The following SYNE1 variants were observed in gnomAD, a reference collection of about 807,000 sequenced individuals.
SYNE1 encodes the protein nesprin-1.
A neutral mutation model predicts 1,111.0 loss-of-function variants in SYNE1; 616 were observed. That is an observed-to-expected ratio of 0.55 (90% CI 0.52 to 0.59). The LOEUF (loss-of-function observed/expected upper bound fraction) is 0.59, where lower values mean the gene tolerates loss of function less well. SYNE1 is among the 20% of genes least tolerant of loss of function. The probability of loss-of-function intolerance (pLI) is 0.00; values close to 1 mark genes in which losing one functional copy is unlikely to be tolerated. For missense variants in SYNE1, 10,006 were observed against 10,417.0 expected, an observed-to-expected ratio of 0.96 and a Z score of 1.72; for synonymous variants, 3,855 against 3,825.8, an observed-to-expected ratio of 1.01 and a Z score of -0.28.
chr6:152,151,079 G>A (rs574936451), intron 135 of SYNE1, among the ~76,000 whole-genome samples: 141 of 152,078 alleles, frequency 9.3e-4, no homozygotes, highest in African/African-American at 3.1e-3. Flanking sequence ...AAAATTTGCC[G>A]GACTTGGTGG....
chr6:152,282,759 C>A (rs1053170497), intron 96 of SYNE1, among the ~76,000 whole-genome samples: 6 of 151,874 alleles, frequency 4.0e-5, no homozygotes, highest in Non-Finnish European at 8.8e-5. Context: ...GCAGACACAT[C>A]GGCTTTAAAT....
chr6:152,249,534 T>A (rs990234955), intron 104 of SYNE1, among the ~76,000 whole-genome samples: 1 of 152,178 alleles, frequency 6.6e-6, no homozygotes, highest in Non-Finnish European at 1.5e-5. Context: ...GTCACCCTAA[T>A]CTCATTACAT....
intron 125 of SYNE1, among the ~76,000 whole-genome samples, chr6:152,207,544 C>T (rs1258422212): frequency 6.6e-6 from 1 of 152,162 alleles, no homozygotes; most frequent in East Asian, 1.9e-4. Context: ...CTCTAAGATG[C>T]TAGAAGCCTG....
chr6:152,227,946 T>C (rs2081973245), intron 115 of SYNE1, among the ~76,000 whole-genome samples: 1 of 152,180 alleles, frequency 6.6e-6, no homozygotes, highest in Non-Finnish European at 1.5e-5. Flanking sequence ...ACCTACCATT[T>C]TTAAAAACAA....
intron 58 of SYNE1, among the ~76,000 whole-genome samples, chr6:152,373,631 T>C (rs531319546): frequency 2.2e-4 from 34 of 152,092 alleles, no homozygotes; most frequent in Non-Finnish European, 4.6e-4. Flanking sequence ...CTTTTTACTG[T>C]ATACGTTAAA....
At chr6:152,321,048 T>G (rs566255406) in intron 84 of SYNE1, among the ~76,000 whole-genome samples, 190 bp downstream of exon 84, 240 of 152,360 alleles carry the variant, frequency 1.6e-3, no homozygotes, top group African/African-American at 4.6e-3. Context: ...TTGTATGGCA[T>G]TATTGGTCAT....
intron 94 of SYNE1, 43 bp from the exon 95 acceptor site, chr6:152,293,792 T>C (rs2094726151): frequency 6.2e-7 from 1 of 1,613,630 alleles, no homozygotes; most frequent in Non-Finnish European, 8.5e-7. Flanking sequence ...CCCAGCCCCT[T>C]ATCTTTCAGA....
chr6:152,145,561 A>T (rs1466598429), intron 137 of SYNE1: 4 of 1,613,632 alleles, frequency 2.5e-6, no homozygotes, highest in Non-Finnish European at 3.4e-6. Context: ...TACATCTGCA[A>T]AAAAAGCACA....
At chr6:152,373,263 T>A (rs1337645380) in intron 58 of SYNE1, 44 bp from the exon 59 acceptor site, 2 of 1,543,076 alleles carry the variant, frequency 1.3e-6, no homozygotes, top group East Asian at 4.5e-5. Context: ...AAATATTGTG[T>A]GTTGTTTCTA....
At chr6:152,162,691 A>G (rs1353805167) in intron 131 of SYNE1, among the ~76,000 whole-genome samples, 1 of 152,202 alleles carries the variant, frequency 6.6e-6, no homozygotes, top group Non-Finnish European at 1.5e-5. Flanking sequence ...TTTTTAAAGC[A>G]ATGGAATATA....
chr6:152,430,561 C>T lies in SYNE1; in HGVS notation c.4610G>A (p.Arg1537Gln), dbSNP rs369775705. Residue 1537 changes from arginine (R) to glutamine (Q), a missense_variant, in exon 35 of 146, where the codon CGA (arginine) becomes CAA (glutamine). By Grantham distance (43) the Arg-to-Gln change is conservative (BLOSUM62 1). Coordinates refer to ENST00000367255, the MANE Select transcript of SYNE1 (RefSeq NM_182961.4). The part of the protein sequence containing the change: ...TQIRRYGEEL[R>Q]EHAQCLEGTI... ...TCCTTCCAGACACTGTGCATGCTCT[C>T]GAAGCTCTTCCCCGTATCTTCTTAT... 1,519 of 1,614,078 alleles carry T rather than the reference C, an allele frequency of 9.4e-4. 23 individuals are homozygous for T. In the South Asian group the frequency reaches 0.016, roughly 17 times the overall value.
At position 152,598,858 on chromosome 6, in the gene SYNE1, A is replaced by G. The variant is rs149605377; in HGVS notation, c.67+29407T>C. Among the ~76,000 whole-genome samples, 126 of 152,300 alleles carry G rather than the reference A, an allele frequency of 8.3e-4. No individual in the cohort carries two copies. In the Middle Eastern group the frequency reaches 0.014, roughly 16 times the overall value. ...ATTTTATGATATAATTAACAGTGTT[A>G]TTTTTCATCTAGCTGTGCTTCCATG... is the stretch of plus-strand genomic sequence containing the variant. On this transcript the variant is annotated intron_variant, in intron 3 of 145. Coordinates refer to ENST00000367255, the MANE Select transcript of SYNE1 (RefSeq NM_182961.4).
In SYNE1 at chr6:152,206,211, A is replaced by G; in HGVS notation, c.22976T>C (p.Met7659Thr). ...EIQEKWKSAS[M>T]RLEEQKKKLA... ...TTTTTTCTTCTGTTCTTCCAGCCGC[A>G]TGCTGGCTGATTTCCATTTCTCTTG... Residue 7659 changes from methionine (M) to threonine (T), a missense_variant, in exon 126 of 146, where the codon ATG becomes ACG. Around this residue, in one of 7 missense-constraint regions of SYNE1, gnomAD observed 2,182 missense variants for 2,287.8 expected, o/e 0.95. Transcript: ENST00000367255. 1 of 1,613,846 alleles carries G rather than the reference A, an allele frequency of 6.2e-7. No homozygotes were observed. Among genetic ancestry groups the G allele is most frequent in the Non-Finnish European group, 8.5e-7 (1 of 1,180,026 alleles).
At chr6:152,217,875 G>A (rs1179611172) in intron 121 of SYNE1, among the ~76,000 whole-genome samples, 2 of 152,082 alleles carry the variant, frequency 1.3e-5, no homozygotes, top group African/African-American at 4.8e-5. Context: ...CTCACTGGGG[G>A]CTCACTCGAA....
chr6:152,362,932 G>A (rs535666642), intron 63 of SYNE1, among the ~76,000 whole-genome samples: 1 of 151,442 alleles, frequency 6.6e-6, no homozygotes. Context: ...CCAGGCTGGA[G>A]TGCAGTGGCG....
chr6:152,539,482 T>C (rs948800582), intron 4 of SYNE1, among the ~76,000 whole-genome samples: 5 of 152,180 alleles, frequency 3.3e-5, no homozygotes, highest in Admixed American at 6.5e-5. Context: ...CTAGAATGAT[T>C]TTAGCCTTTT....
intron 70 of SYNE1, 120 bp downstream of exon 70, chr6:152,351,907 C>T (rs894431413): frequency 1.2e-5 from 11 of 881,380 alleles, no homozygotes; most frequent in South Asian, 2.8e-5. Flanking sequence ...AGCTGCAGAA[C>T]GGACACATGC....
intron 51 of SYNE1, among the ~76,000 whole-genome samples, chr6:152,392,930 T>G (rs1261889342): frequency 6.6e-6 from 1 of 152,172 alleles, no homozygotes; most frequent in Non-Finnish European, 1.5e-5. Context: ...TGAAATATTA[T>G]GGTGAAAAGA....
intron 25 of SYNE1, chr6:152,453,356 A>G: frequency 1.5e-6 from 1 of 645,630 alleles, no homozygotes; most frequent in South Asian, 2.0e-5. Flanking sequence ...AACCAAAAAG[A>G]ATGCTCGAGT....
Sources: gnomAD v4.1 joint callset for allele counts (sites outside exome capture counted in the v4.1 genomes callset) on GRCh38, gnomAD v4.1.1 for gene constraint, gnomAD v4.1.1 regional missense constraint, MANE v1.5 for transcripts, NCBI Gene and HGNC (gene_info 2026-07-23, HGNC 2026-07-21) for gene names.